CA5A: variants seen among roughly 807,000 people sequenced by gnomAD.
CA5A encodes the protein carbonic anhydrase 5A, mitochondrial.
CA5A carries 28 observed loss-of-function variants against 37.1 expected under a neutral mutation model. The observed-to-expected ratio is 0.75, with a 90% CI of 0.56 to 1.03. The LOEUF (loss-of-function observed/expected upper bound fraction) is 1.03. Among genes scored for constraint, CA5A ranks in the 50% least tolerant of loss-of-function variants. The pLI, the probability that CA5A is intolerant of heterozygous loss-of-function variation, is 0.00. For missense variants in CA5A, 444 were observed against 399.9 expected (o/e 1.11, Z -0.94); for synonymous variants, 171 against 158.4 (o/e 1.08, Z -0.60).
chr16:87,888,151 G>A lies in CA5A; in HGVS notation c.896C>T (p.Thr299Ile), dbSNP rs1291949436. ...NRKVWASFQA[T>I]NEGTRS is the part of the protein sequence containing the mutation. Reference sequence around the variant, plus strand: ...TCTCTAGGACCTTGTGCCCTCATTAGTGGCCTGGAAGGACGCCCAGACCTT... The same window carrying A: ...TCTCTAGGACCTTGTGCCCTCATTAATGGCCTGGAAGGACGCCCAGACCTT... Residue 299 changes from threonine to isoleucine, a missense_variant, in exon 7 of 7, where the codon ACT (threonine) becomes ATT (isoleucine). Coordinates refer to ENST00000649794, the MANE Select transcript of CA5A (RefSeq NM_001739.2). 1.9e-6 allele frequency: 3 copies of A among 1,613,520 alleles called. No homozygotes were observed. In the African/African-American group the frequency reaches 4.0e-5, roughly 22 times the overall value.
rs752518870 is a variant in CA5A at position 87,891,791 on chromosome 16, C to T, written c.774+8G>A. ...AGCGCCATCGTGCCAGTTACGGGCA[C>T]GGCTCACCTGGCTTGGGGCCACTTC... is the stretch of plus-strand genomic sequence containing the variant. On this transcript the variant is annotated splice_region_variant and intron_variant, in intron 6 of 6. Coordinates refer to ENST00000649794, the MANE Select transcript of CA5A (RefSeq NM_001739.2). The T allele has an allele frequency of 1.1e-5, 16 of 1,497,634 alleles. No homozygotes were observed. The highest frequency in any genetic ancestry group is 1.3e-5 in the South Asian group (1 of 74,878). The allele number at this position is 1,497,634 out of a possible 1,614,324, so 92.8% of individuals were successfully genotyped here. A position where few individuals can be genotyped will look rare whatever the true frequency, so the allele number is the denominator to read the frequency against.
chr16:87,893,424 G>C (rs571526415), intron 5 of CA5A: 30 of 508,686 alleles, frequency 5.9e-5, no homozygotes, highest in South Asian at 4.3e-4. Flanking sequence ...ACCACGCCCG[G>C]CTTGCCTGGA....
intron 2 of CA5A, among the ~76,000 whole-genome samples, chr16:87,908,516 C>T (rs566106390): frequency 2.0e-5 from 3 of 152,160 alleles, no homozygotes; most frequent in Non-Finnish European, 4.4e-5. Context: ...CCAAAGAGAG[C>T]GACGCCAACT....
intron 2 of CA5A, among the ~76,000 whole-genome samples, chr16:87,925,164 G>C (rs1310262567): frequency 6.6e-6 from 1 of 152,224 alleles, no homozygotes; most frequent in African/African-American, 2.4e-5. Flanking sequence ...CTGCCGGAGA[G>C]GATGTGGAGC....
In CA5A at chr16:87,904,315, C is replaced by A. The variant is rs578099385; in HGVS notation, c.459+471G>T. Among the ~76,000 whole-genome samples the A allele has an allele frequency of 1.0e-3, 157 of 151,236 alleles. 2 individuals carry two copies. The highest frequency in any genetic ancestry group is 2.1e-3 in the Admixed American group (32 of 15,164). ...CAAGATTGCACCAATGCACTCCAGTCTGGGTGACAGAGTGAACCCTGTTTC... is the reference window on the plus strand; with the variant it reads ...CAAGATTGCACCAATGCACTCCAGTATGGGTGACAGAGTGAACCCTGTTTC... On this transcript the variant is annotated intron_variant, in intron 3 of 6. Coordinates refer to ENST00000649794, the MANE Select transcript of CA5A (RefSeq NM_001739.2).
At chr16:87,897,575 C>T (rs2055823249) in intron 5 of CA5A, among the ~76,000 whole-genome samples, 1 of 152,224 alleles carries the variant, frequency 6.6e-6, no homozygotes, top group Non-Finnish European at 1.5e-5. Context: ...TGGTTACAGA[C>T]ACTGCCTGTG....
At position 87,921,180 on chromosome 16, in the gene CA5A, C is replaced by T. The variant is rs1322832052; in HGVS notation, c.340+5568G>A. On this transcript the variant is annotated intron_variant, in intron 2 of 6. Transcript: ENST00000649794. Reference sequence around the variant, plus strand: ...CTGACCTCAAGCAATCCACCTGCCTCAGCCTCCCAAAGTGTTGGGATTACA... The same window carrying T: ...CTGACCTCAAGCAATCCACCTGCCTTAGCCTCCCAAAGTGTTGGGATTACA... 2.0e-5 allele frequency among the ~76,000 whole-genome samples: 3 copies of T among 152,216 alleles called. No individual in the cohort carries two copies. The East Asian group carries it at 5.8e-4, about 29-fold the overall frequency.
At chr16:87,897,932 C>G (rs1021671341) in intron 5 of CA5A, among the ~76,000 whole-genome samples, 1 of 152,220 alleles carries the variant, frequency 6.6e-6, no homozygotes, top group African/African-American at 2.4e-5. Flanking sequence ...TGCCCTGAGC[C>G]TGGGCAGGTG....
intron 2 of CA5A, among the ~76,000 whole-genome samples, chr16:87,916,072 G>A (rs1365336267): frequency 3.3e-5 from 5 of 151,474 alleles, no homozygotes; most frequent in Non-Finnish European, 7.4e-5. Flanking sequence ...GGAGCCTGCG[G>A]CAGGAGAATG....
intron 2 of CA5A, among the ~76,000 whole-genome samples, chr16:87,917,706 CA>C (rs2056169956): frequency 1.6e-5 from 1 of 62,542 alleles, no homozygotes; most frequent in Non-Finnish European, 5.1e-5. Context: ...CGCACACGAA[CA>C]CACACATGAA....
At chr16:87,917,716 AACACGTGCACAC>A (rs2056170519) in intron 2 of CA5A, among the ~76,000 whole-genome samples, 5 of 64,756 alleles carry the variant, frequency 7.7e-5, no homozygotes, top group African/African-American at 2.2e-4. Flanking sequence ...CACACACATG[AACACGTGCACAC>A]ACACATGAAC....
chr16:87,927,020 C>A (rs1342266634), intron 1 of CA5A, 75 bp from the exon 2 acceptor site: 6 of 1,065,146 alleles, frequency 5.6e-6, no homozygotes, highest in Non-Finnish European at 8.2e-6. Context: ...GGGCAGAAAC[C>A]CGGCCGCACG....
chr16:87,929,690 G>A (rs538051331), intron 1 of CA5A, among the ~76,000 whole-genome samples: 3 of 151,504 alleles, frequency 2.0e-5, no homozygotes, highest in South Asian at 2.1e-4. Flanking sequence ...GGCTAACACC[G>A]TGAAACCCGG....
rs931627338 is a variant in CA5A, at chr16:87,914,847, G to A, written c.341-9943C>T. 4.6e-5 allele frequency among the ~76,000 whole-genome samples: 7 copies of A among 152,212 alleles called. No individual in the cohort carries two copies. In the East Asian group the frequency reaches 7.7e-4, roughly 17 times the overall value. ...CCTAGGCAAGGTTCTCATTCCCCTC[G>A]TCAGGGGAGGGGATGGGCACAGAGA... On this transcript the variant is annotated intron_variant, in intron 2 of 6. Transcript: ENST00000649794.
intron 2 of CA5A, chr16:87,924,224 G>T (rs1266384712): frequency 8.1e-6 from 8 of 985,338 alleles, no homozygotes; most frequent in Non-Finnish European, 9.6e-6. Context: ...TGGGGTTACT[G>T]CTGCTGGCAC....
At position 87,899,275 on chromosome 16, in the gene CA5A, GGCCTTTTAC is replaced by G. The variant is rs1431008394; in HGVS notation, c.618+2628_618+2636del. ...GCACAGACTCTTGCTCCCAAGGCTG[GGCCTTTTAC>G]CTCCTAAGGTCTTTTTTTTTTTTTT... On this transcript the variant is annotated intron_variant, in intron 5 of 6. Coordinates refer to ENST00000649794, the MANE Select transcript of CA5A (RefSeq NM_001739.2). Among the ~76,000 whole-genome samples, 6 of 150,464 alleles carry G rather than the reference GGCCTTTTAC, an allele frequency of 4.0e-5. No individual in the cohort carries two copies. The East Asian group carries it at 1.2e-3, about 29-fold the overall frequency.
At chr16:87,902,982 G>GGAGCAGCA (rs888734224) in intron 3 of CA5A, among the ~76,000 whole-genome samples, 2 of 151,900 alleles carry the variant, frequency 1.3e-5, no homozygotes, top group African/African-American at 4.8e-5. Flanking sequence ...CAGCACCTCT[G>GGAGCAGCA]AGCTCCCAGG....
chr16:87,887,953 C>T (rs1416748902), downstream of CA5A: 7 of 925,006 alleles, frequency 7.6e-6, no homozygotes, highest in African/African-American at 3.3e-5. Flanking sequence ...CGTTATGTTC[C>T]CCACGGTACT....
chr16:87,886,243 G>T (rs571619609), downstream of CA5A: 1 of 149,028 alleles, frequency 6.7e-6, no homozygotes, highest in South Asian at 2.2e-4. Context: ...TCCGCCTCAC[G>T]GGTTCAAGCA....
Sources: allele counts gnomAD v4.1 joint callset (sites outside exome capture counted in the v4.1 genomes callset), GRCh38; gene constraint gnomAD v4.1.1; transcripts MANE v1.5; gene names NCBI Gene and HGNC (gene_info 2026-07-23, HGNC 2026-07-21).